DEFB121: variants seen among roughly 807,000 people sequenced by gnomAD.
DEFB121 encodes the protein defensin beta 121.
A neutral mutation model predicts 2.5 loss-of-function variants in DEFB121; 5 were observed. That is an observed-to-expected ratio of 1.96 (90% confidence interval 1.03 to 4.13). The LOEUF (loss-of-function observed/expected upper bound fraction) is 4.13. DEFB121 is among the 30% of genes most tolerant of loss of function. The probability of loss-of-function intolerance (pLI) is 0.00; values close to 1 mark genes in which losing one functional copy is unlikely to be tolerated. For synonymous variants in DEFB121, 39 were observed against 32.6 expected (o/e 1.20, Z -0.67); for missense variants, 87 against 85.0 (o/e 1.02, Z -0.09).
intron 1 of DEFB121, among the ~76,000 whole-genome samples, chr20:31,405,289 C>T (rs534043427): frequency 1.2e-4 from 18 of 151,586 alleles, no homozygotes; most frequent in African/African-American, 4.4e-4. Flanking sequence ...CCTGTTAGAA[C>T]CCCCAGAGTC....
chr20:31,406,206 A>C lies in DEFB121; in HGVS notation c.-54T>G. ...AGGCTTCTCAACTGGTAAAACAGAC[A>C]GAGGACTCCATTCTGGGCAGTCCAG... On this transcript the variant is annotated 5_prime_UTR_variant, in exon 1 of 2. Transcript: ENST00000376314. 6.2e-7 allele frequency: 1 copy of C among 1,611,082 alleles called. No individual in the cohort carries two copies. Among genetic ancestry groups the C allele is most frequent in the Admixed American group, 1.7e-5 (1 of 59,652 alleles).
chr20:31,410,853 AGAAAG>A (rs1471724535), upstream of DEFB121, among the ~76,000 whole-genome samples: 2 of 151,268 alleles, frequency 1.3e-5, no homozygotes, highest in Admixed American at 6.6e-5. Flanking sequence ...AGAGAGAGAG[AGAAAG>A]AGAGCAACTC....
At chr20:31,409,480 C>A (rs1423752977), upstream of DEFB121, among the ~76,000 whole-genome samples, 1 of 152,204 alleles carries the variant, frequency 6.6e-6, no homozygotes, top group Non-Finnish European at 1.5e-5. Context: ...GTGGTTCACG[C>A]CTGTAATCCC....
upstream of DEFB121, among the ~76,000 whole-genome samples, chr20:31,409,514 G>A (rs1276859883): frequency 6.6e-6 from 1 of 152,194 alleles, no homozygotes; most frequent in East Asian, 1.9e-4. Flanking sequence ...GCCAAGGTGG[G>A]TGGATCATCT....
intron 1 of DEFB121, among the ~76,000 whole-genome samples, chr20:31,412,159 T>G (rs947953044): frequency 6.6e-6 from 1 of 152,160 alleles, no homozygotes; most frequent in Non-Finnish European, 1.5e-5. Flanking sequence ...ATAGGAAGCA[T>G]TGGAGGGTAG....
At chr20:31,410,030 T>C (rs1978613430), upstream of DEFB121, among the ~76,000 whole-genome samples, 1 of 152,172 alleles carries the variant, frequency 6.6e-6, no homozygotes, top group South Asian at 2.1e-4. Context: ...ATGTTTTATA[T>C]AAATTATACC....
upstream of DEFB121, among the ~76,000 whole-genome samples, chr20:31,410,862 G>A (rs946409217): frequency 1.1e-4 from 17 of 149,006 alleles, no homozygotes; most frequent in Admixed American, 6.7e-5. Context: ...GAGAAAGAGA[G>A]CAACTCATGG....
the DEFB121 span, among the ~76,000 whole-genome samples, chr20:31,417,929 C>G: frequency 0.43 from 65,603 of 151,436 alleles, 16,734 homozygotes; most frequent in East Asian, 0.74. Flanking sequence ...TGCCATTGCA[C>G]TTCAGCCTGG....
chr20:31,414,068 G>A (rs145018493), upstream of DEFB121, among the ~76,000 whole-genome samples: 3,007 of 152,236 alleles, frequency 0.02, 74 homozygotes, highest in Middle Eastern at 0.058. Context: ...TTAACTGGCC[G>A]TGGTGGCACA....
upstream of DEFB121, among the ~76,000 whole-genome samples, chr20:31,415,234 T>C (rs1978773916): frequency 6.6e-6 from 1 of 151,834 alleles, no homozygotes; most frequent in Admixed American, 6.6e-5. Flanking sequence ...GCCAGAATAT[T>C]TGATGTACAG....
intron 1 of DEFB121, among the ~76,000 whole-genome samples, chr20:31,411,429 C>A (rs1300656594): frequency 1.3e-5 from 2 of 152,158 alleles, no homozygotes; most frequent in African/African-American, 4.8e-5. Flanking sequence ...AACTGTGGAA[C>A]AACCTCCCTT....
At chr20:31,412,938 C>G (rs549824229), upstream of DEFB121, 2 of 233,946 alleles carry the variant, frequency 8.5e-6, no homozygotes, top group East Asian at 2.7e-4. Context: ...TGTTTCCAAG[C>G]TTATCCCTTT....
At chr20:31,415,247 C>CTT (rs774007321), upstream of DEFB121, among the ~76,000 whole-genome samples, 134 of 141,164 alleles carry the variant, frequency 9.5e-4, 1 homozygote, top group African/African-American at 3.1e-3. Flanking sequence ...ATGTACAGTC[C>CTT]TTTTTTTTTT....
chr20:31,416,054 T>TTTTGTTTGTTTGTTTGTTTTG (rs1978796575), upstream of DEFB121, among the ~76,000 whole-genome samples: 1 of 150,862 alleles, frequency 6.6e-6, no homozygotes, highest in African/African-American at 2.4e-5. Flanking sequence ...CTTCCCACTT[T>TTTTGTTTGTTTGTTTGTTTTG]TTTGTTTGTT....
upstream of DEFB121, among the ~76,000 whole-genome samples, chr20:31,406,821 A>T (rs1480609186): frequency 6.6e-6 from 1 of 152,026 alleles, no homozygotes; most frequent in Non-Finnish European, 1.5e-5. Flanking sequence ...TATTTTTTTG[A>T]GACAGTCTTG....
In DEFB121 at chr20:31,406,169, G is replaced by T; in HGVS notation, c.-17C>A. The stretch of plus-strand genomic sequence containing the variant: ...GAGCTTCATGAATGATGAATGATCA[G>T]GGAGGGATAGGAGGCTTCTCAACTG... On this transcript the variant is annotated 5_prime_UTR_variant, in exon 1 of 2. The change creates a new upstream start codon in the 5' untranslated region. Coordinates refer to ENST00000376314, the MANE Select transcript of DEFB121 (RefSeq NM_001011878.3). 1 of 1,613,928 alleles carries T rather than the reference G, an allele frequency of 6.2e-7. No individual in the cohort carries two copies. The highest frequency in any genetic ancestry group is 1.7e-5 in the Admixed American group (1 of 60,010).
chr20:31,410,919 T>C (rs139411886), upstream of DEFB121, among the ~76,000 whole-genome samples: 83 of 152,278 alleles, frequency 5.5e-4, no homozygotes, highest in East Asian at 3.5e-3. Context: ...ACTTTCTTTA[T>C]GCATCCAAGG....
upstream of DEFB121, among the ~76,000 whole-genome samples, chr20:31,408,481 G>C (rs114368523): frequency 4.6e-5 from 7 of 151,134 alleles, no homozygotes; most frequent in African/African-American, 1.7e-4. Flanking sequence ...AAATTTTCTT[G>C]TTGTCTGAAG....
chr20:31,418,165 C>G, the DEFB121 span, among the ~76,000 whole-genome samples: 1 of 136,602 alleles, frequency 7.3e-6, no homozygotes, highest in Non-Finnish European at 1.5e-5. Flanking sequence ...GAGGCTGAGG[C>G]AGGAGAATGG....
Sources: gnomAD v4.1 joint callset for allele counts (sites outside exome capture counted in the v4.1 genomes callset) on GRCh38, gnomAD v4.1.1 for gene constraint, MANE v1.5 for transcripts, NCBI Gene and HGNC (gene_info 2026-07-23, HGNC 2026-07-21) for gene names.